Variants in NAV2 observed in about 807,000 individuals in gnomAD.
NAV2 encodes the protein neuron navigator 2, also known as helicase, APC down-regulated 1.
In NAV2, 54 loss-of-function variants were observed where a neutral mutation model predicts 223.2. That is an observed-to-expected ratio of 0.24 (90% CI 0.19 to 0.30). The LOEUF is 0.30. Ranked by LOEUF, NAV2 falls within the 10% of genes least tolerant of loss-of-function variation. The pLI, the probability that NAV2 is intolerant of heterozygous loss-of-function variation, is 1.00. For synonymous variants in NAV2, 1,279 were observed against 1,239.3 expected (o/e 1.03, Z -0.67); for missense variants, 2,806 against 3,147.5 (o/e 0.89, Z 2.60).
chr11:19,571,685 A>C (rs1277712169), intron 1 of NAV2, among the ~76,000 whole-genome samples: 2 of 152,130 alleles, frequency 1.3e-5, no homozygotes, highest in Non-Finnish European at 2.9e-5. Flanking sequence ...CAGCCTGGGC[A>C]ACAAGAGCGA....
chr11:19,763,397 A>AT (rs2054930387), intron 1 of NAV2, among the ~76,000 whole-genome samples: 1 of 152,176 alleles, frequency 6.6e-6, no homozygotes, highest in African/African-American at 2.4e-5. Flanking sequence ...GAACAGCATT[A>AT]TTTTCTTTGG....
intron 1 of NAV2, among the ~76,000 whole-genome samples, chr11:19,482,672 G>A (rs2042316306): frequency 6.6e-6 from 1 of 152,190 alleles, no homozygotes; most frequent in Non-Finnish European, 1.5e-5. Context: ...AAGGTCCAGA[G>A]AGGCTGAGAA....
chr11:19,430,643 T>C (rs1030479106), intron 1 of NAV2, among the ~76,000 whole-genome samples: 6 of 152,222 alleles, frequency 3.9e-5, no homozygotes, highest in African/African-American at 7.2e-5. Context: ...CACTTTGGCC[T>C]GCTTCACTAA....
chr11:19,404,087 C>T (rs950646546), intron 1 of NAV2, among the ~76,000 whole-genome samples: 47 of 152,194 alleles, frequency 3.1e-4, no homozygotes, highest in African/African-American at 1.1e-3. Flanking sequence ...TTCTGTTGGC[C>T]TTGTGAAGAT....
Position 19,477,543 on chromosome 11 carries a change from T to G in NAV2, c.75+126516T>G, listed in dbSNP as rs114410465. ...TGGGTCTATGTGGTCTATATGGTCT[T>G]GGTCACATTACTTCTTTCTGGGTCT... is the stretch of plus-strand genomic sequence containing the variant. On this transcript the variant is annotated intron_variant, in intron 1 of 37. Coordinates refer to the NAV2 transcript ENST00000360655. 2.6e-3 allele frequency among the ~76,000 whole-genome samples: 392 copies of G among 152,312 alleles called. 7 individuals are homozygous for G. The highest frequency in any genetic ancestry group is 8.9e-3 in the African/African-American group (369 of 41,564).
intron 1 of NAV2, among the ~76,000 whole-genome samples, chr11:19,439,923 G>A (rs763542534): frequency 3.3e-5 from 5 of 152,146 alleles, no homozygotes; most frequent in Non-Finnish European, 7.3e-5. Flanking sequence ...GGGATATTGA[G>A]AGTAACATAC....
At position 19,499,207 on chromosome 11, in the gene NAV2, C is replaced by A. The variant is rs567196936; in HGVS notation, c.75+148180C>A. Among the ~76,000 whole-genome samples the A allele has an allele frequency of 2.0e-5, 3 of 152,290 alleles. No homozygotes were observed. In the South Asian group the frequency reaches 6.2e-4, roughly 32 times the overall value. On this transcript the variant is annotated intron_variant, in intron 1 of 37. Transcript: ENST00000360655. ...TCATCTAATTGGCCTAAATGGCGAG[C>A]AATTAATGACGTGGAACCTCTTTGA...
At chr11:19,463,679 T>C (rs1018317948) in intron 1 of NAV2, among the ~76,000 whole-genome samples, 9 of 152,188 alleles carry the variant, frequency 5.9e-5, no homozygotes, top group Non-Finnish European at 1.2e-4. Flanking sequence ...AAGCTGAGTC[T>C]GGAAGGACAA....
chr11:19,928,059 T>C (rs572533616), intron 6 of NAV2, among the ~76,000 whole-genome samples: 169 of 152,358 alleles, frequency 1.1e-3, no homozygotes, highest in African/African-American at 4.0e-3. Context: ...TATTTGAGCC[T>C]TCTGGTTTGA....
At chr11:19,514,966 G>A (rs1302284201) in intron 1 of NAV2, among the ~76,000 whole-genome samples, 2 of 152,172 alleles carry the variant, frequency 1.3e-5, no homozygotes, top group Non-Finnish European at 2.9e-5. Context: ...TGGAAATCTA[G>A]GTTCTCCTTC....
At chr11:19,658,115 TTTATAAAC>T (rs1406134323) in intron 1 of NAV2, among the ~76,000 whole-genome samples, 1 of 152,184 alleles carries the variant, frequency 6.6e-6, no homozygotes, top group Non-Finnish European at 1.5e-5. Flanking sequence ...GCATTCTACA[TTTATAAAC>T]TTACTTAATT....
chr11:20,085,491 T>C (rs2060378763), intron 26 of NAV2, among the ~76,000 whole-genome samples: 1 of 152,202 alleles, frequency 6.6e-6, no homozygotes, highest in Non-Finnish European at 1.5e-5. Context: ...GCAGCAACTT[T>C]AGATGGGGTG....
At chr11:20,019,278 T>C (rs531470168) in intron 11 of NAV2, among the ~76,000 whole-genome samples, 4 of 152,128 alleles carry the variant, frequency 2.6e-5, no homozygotes, top group East Asian at 1.9e-4. Flanking sequence ...CAAGGTATAT[T>C]TGGGGACTCT....
At chr11:19,494,871 C>T (rs1432288482) in intron 1 of NAV2, among the ~76,000 whole-genome samples, 1 of 152,198 alleles carries the variant, frequency 6.6e-6, no homozygotes, top group Non-Finnish European at 1.5e-5. Context: ...GGTTAGCCTC[C>T]AGCAGCTGAC....
chr11:19,407,459 G>A (rs1197511103), intron 1 of NAV2, among the ~76,000 whole-genome samples: 1 of 152,222 alleles, frequency 6.6e-6, no homozygotes, highest in African/African-American at 2.4e-5. Flanking sequence ...ATAGCCCGAG[G>A]GTGGAATACA....
exon 1 of NAV2, chr11:19,350,854 T>G (rs1590030670): frequency 1.7e-6 from 2 of 1,197,252 alleles, no homozygotes; most frequent in South Asian, 2.6e-5. Context: ...GCGGGAACTC[T>G]GTCTGGCTGT....
At chr11:19,408,825 G>GAGGA (rs1564913846) in intron 1 of NAV2, among the ~76,000 whole-genome samples, 2 of 131,150 alleles carry the variant, frequency 1.5e-5, no homozygotes, top group African/African-American at 5.7e-5. Context: ...CTGGCGGGGT[G>GAGGA]GGGGGATGTT....
intron 1 of NAV2, among the ~76,000 whole-genome samples, chr11:19,767,943 G>A (rs1255428565): frequency 6.6e-6 from 1 of 152,222 alleles, no homozygotes; most frequent in Non-Finnish European, 1.5e-5. Context: ...CTGCAGACGG[G>A]CTTGATCCCT....
At chr11:19,465,046 T>C (rs113812156) in intron 1 of NAV2, among the ~76,000 whole-genome samples, 102 of 152,364 alleles carry the variant, frequency 6.7e-4, no homozygotes, top group African/African-American at 2.3e-3. Flanking sequence ...TTGAAGGGGC[T>C]CCTATGCAGT....
Sources: allele counts gnomAD v4.1 joint callset (sites outside exome capture counted in the v4.1 genomes callset), GRCh38; gene constraint gnomAD v4.1.1; transcripts MANE v1.5; gene names NCBI Gene and HGNC (gene_info 2026-07-23, HGNC 2026-07-21).